DGKI: variants seen among roughly 807,000 people sequenced by gnomAD.
DGKI encodes diacylglycerol kinase iota.
DGKI carries 55 observed loss-of-function variants against 147.5 expected under a neutral mutation model. The ratio of observed to expected loss-of-function variants is 0.37; its 90% CI spans 0.30 to 0.47. The LOEUF is 0.47. Ranked by LOEUF, DGKI falls within the 20% of genes least tolerant of loss-of-function variation. The pLI, the probability that DGKI is intolerant of heterozygous loss-of-function variation, is 1.00. For synonymous variants in DGKI, 469 were observed against 477.1 expected, an observed-to-expected ratio of 0.98 and a Z score of 0.22; for missense variants, 1,007 against 1,323.8, an observed-to-expected ratio of 0.76 and a Z score of 3.71.
At chr7:137,600,401 C>T (rs1216860099) in intron 10 of DGKI, among the ~76,000 whole-genome samples, 1 of 152,138 alleles carries the variant, frequency 6.6e-6, no homozygotes, top group African/African-American at 2.4e-5. Context: ...ACCTGTGTAA[C>T]TCTGGGCAAG....
intron 28 of DGKI, among the ~76,000 whole-genome samples, chr7:137,430,623 A>T (rs1813030938): frequency 6.6e-6 from 1 of 152,112 alleles, no homozygotes; most frequent in Admixed American, 6.6e-5. Context: ...GTATATACTT[A>T]TACATCCAAA....
chr7:137,397,351 A>C, intron 31 of DGKI, 26 bp downstream of exon 31: 2 of 1,607,922 alleles, frequency 1.2e-6, no homozygotes, highest in Non-Finnish European at 1.7e-6. Context: ...AATAACCTAG[A>C]CTATGTAATA....
At chr7:137,523,637 A>G (rs1817042933) in intron 20 of DGKI, among the ~76,000 whole-genome samples, 1 of 152,178 alleles carries the variant, frequency 6.6e-6, no homozygotes, top group Non-Finnish European at 1.5e-5. Flanking sequence ...CAGATTCAAC[A>G]GCTATACCGA....
chr7:137,413,822 T>C (rs1392878082), intron 28 of DGKI, among the ~76,000 whole-genome samples: 1 of 152,214 alleles, frequency 6.6e-6, no homozygotes, highest in Non-Finnish European at 1.5e-5. Context: ...CTGGGTCGAA[T>C]GGTAGTTCTG....
At chr7:137,691,542 G>T (rs1186805234) in intron 1 of DGKI, among the ~76,000 whole-genome samples, 3 of 152,142 alleles carry the variant, frequency 2.0e-5, no homozygotes, top group African/African-American at 7.2e-5. Flanking sequence ...AAAGAAACTT[G>T]CCCCATATAA....
chr7:137,830,276 A>C (rs567507584), intron 1 of DGKI, among the ~76,000 whole-genome samples: 1 of 152,366 alleles, frequency 6.6e-6, no homozygotes. Context: ...CAAGCTAATG[A>C]AGTCCCCAAA....
rs184670163 is a variant in DGKI, at chr7:137,654,141, A to G, written c.738+591T>C. 2.0e-4 allele frequency among the ~76,000 whole-genome samples: 30 copies of G among 152,322 alleles called. 1 individual carries two copies. Among genetic ancestry groups the G allele is most frequent in the Non-Finnish European group, 1.3e-4 (9 of 68,036 alleles). On this transcript the variant is annotated intron_variant, in intron 5 of 32. Transcript: ENST00000614521. ...TCTTTACCTGTTTATCTTCACGACC[A>G]GACTGGAGGGTCAGGGACTGAGAAC...
intron 6 of DGKI, among the ~76,000 whole-genome samples, chr7:137,627,404 C>G (rs574622833): frequency 6.6e-6 from 1 of 152,292 alleles, no homozygotes; most frequent in East Asian, 1.9e-4. Flanking sequence ...CTTTGAACAT[C>G]ATAGGCATGC....
chr7:137,760,853 C>T (rs1315605932), intron 1 of DGKI, among the ~76,000 whole-genome samples: 1 of 152,150 alleles, frequency 6.6e-6, no homozygotes, highest in Non-Finnish European at 1.5e-5. Context: ...CATATCCCTC[C>T]TTCCTTCCAG....
chr7:137,489,202 G>C (rs1815674529), intron 21 of DGKI, among the ~76,000 whole-genome samples: 1 of 152,108 alleles, frequency 6.6e-6, no homozygotes, highest in Non-Finnish European at 1.5e-5. Context: ...CCAATGCCTA[G>C]TAAAGAAATG....
intron 21 of DGKI, among the ~76,000 whole-genome samples, chr7:137,495,823 T>A (rs1815946247): frequency 6.6e-6 from 1 of 151,508 alleles, no homozygotes; most frequent in Non-Finnish European, 1.5e-5. Flanking sequence ...ATAATAAGAG[T>A]CATCTATGAT....
At position 137,482,579 on chromosome 7, in the gene DGKI, T is replaced by C. The variant is rs567164954; in HGVS notation, c.2373+2795A>G. Among the ~76,000 whole-genome samples the C allele has an allele frequency of 1.4e-4, 21 of 152,066 alleles. No homozygotes were observed. The Middle Eastern group carries it at 0.01, about 74-fold the overall frequency. On this transcript the variant is annotated intron_variant, in intron 23 of 32. Transcript: ENST00000614521. ...TTGGATCTAACAGGCATATCAAAAC[T>C]AATACGGCTAACACAGAACTCTATT...
intron 3 of DGKI, among the ~76,000 whole-genome samples, chr7:137,672,727 C>T (rs1822886559): frequency 1.3e-5 from 2 of 150,572 alleles, no homozygotes; most frequent in Non-Finnish European, 3.0e-5. Context: ...GCCCCCATCA[C>T]CACATGGCCT....
rs1811154179 is a variant in DGKI, at chr7:137,385,420, A to C, written c.*5800T>G. The stretch of plus-strand genomic sequence containing the variant: ...TATCTTTTGAAAAATCACAGCATCT[A>C]ATTTTAGCCCCCTCAAATCACATAT... On this transcript the variant is annotated 3_prime_UTR_variant, in exon 33 of 33. Coordinates refer to ENST00000614521, the MANE Select transcript of DGKI (RefSeq NM_001321708.2). 1 of 152,026 alleles carries C rather than the reference A, an allele frequency of 6.6e-6. No individual in the cohort carries two copies. Among genetic ancestry groups the C allele is most frequent in the Non-Finnish European group, 1.5e-5 (1 of 67,962 alleles). The allele number at this position is 152,026 out of a possible 1,614,324, so 9.4% of individuals were successfully genotyped here. A position where few individuals can be genotyped will look rare whatever the true frequency, so the allele number is the denominator to read the frequency against.
chr7:137,570,859 G>C (rs1425083438), intron 19 of DGKI, among the ~76,000 whole-genome samples: 1 of 152,064 alleles, frequency 6.6e-6, no homozygotes, highest in Non-Finnish European at 1.5e-5. Flanking sequence ...AAAGTGCTGG[G>C]ATTACAGGCA....
At chr7:137,654,880 G>A in intron 4 of DGKI, 92 bp from the exon 5 acceptor site, 1 of 789,266 alleles carries the variant, frequency 1.3e-6, no homozygotes, top group Non-Finnish European at 2.0e-6. Flanking sequence ...GACAGATATT[G>A]AGACTGAAAA....
intron 28 of DGKI, among the ~76,000 whole-genome samples, chr7:137,441,153 G>A (rs1813484651): frequency 6.6e-6 from 1 of 152,126 alleles, no homozygotes; most frequent in Non-Finnish European, 1.5e-5. Flanking sequence ...GGGCACGGTG[G>A]CTCATGCCTG....
At chr7:137,790,231 AACAC>A (rs137932599) in intron 1 of DGKI, among the ~76,000 whole-genome samples, 12,920 of 143,368 alleles carry the variant, frequency 0.09, 1,228 homozygotes, top group African/African-American at 0.24. Flanking sequence ...GTGTATTACC[AACAC>A]ACACACACAC....
chr7:137,651,548 C>G (rs1412159383), intron 5 of DGKI, among the ~76,000 whole-genome samples: 2 of 152,148 alleles, frequency 1.3e-5, no homozygotes, highest in African/African-American at 4.8e-5. Context: ...GACTGTGATA[C>G]ATTCAAAAGA....
Sources: gnomAD v4.1 joint callset for allele counts (sites outside exome capture counted in the v4.1 genomes callset) on GRCh38, gnomAD v4.1.1 for gene constraint, MANE v1.5 for transcripts, NCBI Gene and HGNC (gene_info 2026-07-23, HGNC 2026-07-21) for gene names.